Variants in RASEF observed in about 807,000 individuals in gnomAD.
RASEF encodes the protein RAS and EF-hand domain containing, also known as ras and EF-hand domain-containing protein.
Under a neutral mutation model 90.1 loss-of-function variants are expected in RASEF, and 68 were observed. The ratio of observed to expected loss-of-function variants is 0.75; its 90% CI spans 0.62 to 0.92. The LOEUF (loss-of-function observed/expected upper bound fraction) is 0.92, where lower values mean the gene tolerates loss of function less well. Ranked by LOEUF, RASEF falls within the 40% of genes least tolerant of loss-of-function variation. The pLI, the probability that RASEF is intolerant of heterozygous loss-of-function variation, is 0.00. For synonymous variants in RASEF, 331 were observed against 345.2 expected (o/e 0.96, Z 0.46); for missense variants, 949 against 937.2 (o/e 1.01, Z -0.16).
the RASEF span, among the ~76,000 whole-genome samples, chr9:83,154,578 T>G: frequency 2.4e-4 from 37 of 152,336 alleles, no homozygotes; most frequent in African/African-American, 7.7e-4. Flanking sequence ...GTGCACCTGA[T>G]GGCCTTTGAA....
At chr9:83,096,282 G>C in the RASEF span, among the ~76,000 whole-genome samples, 3 of 152,078 alleles carry the variant, frequency 2.0e-5, no homozygotes, top group Admixed American at 1.3e-4. Context: ...TAAATATCTA[G>C]AGAAGTTTAG....
chr9:83,117,599 C>G, the RASEF span, among the ~76,000 whole-genome samples: 2 of 152,176 alleles, frequency 1.3e-5, no homozygotes, highest in African/African-American at 4.8e-5. Flanking sequence ...GCCTGATAAG[C>G]CTTCAGGTTA....
the RASEF span, among the ~76,000 whole-genome samples, chr9:83,093,710 G>A: frequency 6.6e-6 from 1 of 152,186 alleles, no homozygotes; most frequent in Non-Finnish European, 1.5e-5. Context: ...CCTGCAAGCT[G>A]AGGGATCTGG....
chr9:83,147,710 G>A, the RASEF span, among the ~76,000 whole-genome samples: 2 of 152,106 alleles, frequency 1.3e-5, no homozygotes, highest in African/African-American at 4.8e-5. Context: ...TTGGTACCCA[G>A]GTCCTTGTCT....
At chr9:83,126,946 C>A in the RASEF span, among the ~76,000 whole-genome samples, 609 of 152,252 alleles carry the variant, frequency 4.0e-3, 1 homozygote, top group Middle Eastern at 0.014. Flanking sequence ...AGTTTTAGAT[C>A]TTTTTATGCT....
At chr9:83,028,249 G>A (rs1829582438) in intron 1 of RASEF, among the ~76,000 whole-genome samples, 1 of 152,196 alleles carries the variant, frequency 6.6e-6, no homozygotes, top group Non-Finnish European at 1.5e-5. Context: ...TAATTCTTAT[G>A]TTTGGTGATC....
chr9:83,170,812 G>T, the RASEF span, among the ~76,000 whole-genome samples: 2 of 151,620 alleles, frequency 1.3e-5, no homozygotes, highest in South Asian at 2.1e-4. Context: ...ATTCTAACAG[G>T]TTTTTTTGGT....
the RASEF span, among the ~76,000 whole-genome samples, chr9:83,203,530 C>T: frequency 2.6e-5 from 4 of 152,300 alleles, no homozygotes; most frequent in African/African-American, 9.6e-5. Context: ...TCAATTTCAG[C>T]CACCCAAAGT....
chr9:83,138,226 G>A, the RASEF span, among the ~76,000 whole-genome samples: 2 of 151,982 alleles, frequency 1.3e-5, no homozygotes, highest in South Asian at 4.1e-4. Context: ...CACTGTTACT[G>A]AAAATACCAC....
At chr9:82,983,871 T>C (rs1034949207) in intron 16 of RASEF, among the ~76,000 whole-genome samples, 15 of 152,304 alleles carry the variant, frequency 9.8e-5, no homozygotes, top group Admixed American at 9.8e-4. Flanking sequence ...AGCACCCTGG[T>C]GGCTGACATC....
At chr9:83,040,116 C>T (rs1481405698) in intron 1 of RASEF, among the ~76,000 whole-genome samples, 2 of 152,172 alleles carry the variant, frequency 1.3e-5, no homozygotes, top group African/African-American at 2.4e-5. Flanking sequence ...CTTTGCTCCT[C>T]CCTCGCCTCC....
chr9:83,081,148 G>C, the RASEF span, among the ~76,000 whole-genome samples: 1 of 152,114 alleles, frequency 6.6e-6, no homozygotes, highest in Non-Finnish European at 1.5e-5. Flanking sequence ...AGAGAGGCTT[G>C]ATTAACCTAT....
At chr9:83,213,527 C>G in the RASEF span, among the ~76,000 whole-genome samples, 33 of 152,120 alleles carry the variant, frequency 2.2e-4, no homozygotes, top group African/African-American at 7.2e-4. Context: ...CAATATCTGT[C>G]TCATTTAAAA....
the RASEF span, among the ~76,000 whole-genome samples, chr9:83,131,235 C>T: frequency 1.3e-5 from 2 of 152,014 alleles, no homozygotes; most frequent in Non-Finnish European, 2.9e-5. Context: ...AGAAAAGTTA[C>T]AGGAAACAAA....
the RASEF span, among the ~76,000 whole-genome samples, chr9:83,207,903 G>T: frequency 6.6e-6 from 1 of 152,186 alleles, no homozygotes; most frequent in South Asian, 2.1e-4. Context: ...ACCGCGCCTG[G>T]CCAAGGGCTG....
chr9:83,062,840 G>C lies in RASEF; in HGVS notation c.28C>G (p.Leu10Val). The change falls in exon 1 of 17, where the codon CTG becomes GTG. Residue 10 changes from leucine to valine, a missense_variant. Around this residue, in one of 3 missense-constraint regions of RASEF, gnomAD observed 656 missense variants for 592.2 expected, o/e 1.11. Transcript: ENST00000376447. Reference protein sequence around the residue: MEADGDGEELARLRSVFAAC... With the variant: MEADGDGEEVARLRSVFAAC... ...GCGAAGACTGAGCGCAGCCGGGCCA[G>C]CTCCTCTCCGTCCCCATCCGCCTCC... 1 of 1,542,258 alleles carries C rather than the reference G, an allele frequency of 6.5e-7. No homozygotes were observed. The highest frequency in any genetic ancestry group is 8.7e-7 in the Non-Finnish European group (1 of 1,155,200).
chr9:83,018,241 C>G (rs1381445892), intron 3 of RASEF, among the ~76,000 whole-genome samples: 1 of 151,988 alleles, frequency 6.6e-6, no homozygotes, highest in Non-Finnish European at 1.5e-5. Flanking sequence ...AATCTACCAA[C>G]AAAAAGGCAC....
chr9:83,062,462 C>G lies in RASEF; in HGVS notation c.406G>C (p.Gly136Arg). Reference sequence around the variant, plus strand: ...CTGGGAATGAACTTGGCTTCGTCCCCAAGTCGCGCCTGGAAATCCTGCCAA... The same window carrying G: ...CTGGGAATGAACTTGGCTTCGTCCCGAAGTCGCGCCTGGAAATCCTGCCAA... ...RAWQDFQARL[G>R]DEAKFIPREE... The change falls in exon 1 of 17, where the codon GGG becomes CGG. Residue 136 changes from glycine (G) to arginine (R), a missense_variant. Physicochemically the swap from Gly to Arg is moderately radical, Grantham distance 125. Transcript: ENST00000376447. 1 of 1,612,996 alleles carries G rather than the reference C, an allele frequency of 6.2e-7. No individual in the cohort carries two copies. The highest frequency in any genetic ancestry group is 8.5e-7 in the Non-Finnish European group (1 of 1,179,696).
Position 83,000,195 on chromosome 9 carries a change from AATTC to A in RASEF, c.1693_1696del (p.Glu565PhefsTer5). ...CAGGGTGGCGCTTATATTTTCTCGA[AATTC>A]ATTCTTGCAAAGTCTCATGAGGAAA... is the stretch of plus-strand genomic sequence containing the variant. On this transcript the variant is annotated frameshift_variant, in exon 12 of 17. Coordinates refer to ENST00000376447, the MANE Select transcript of RASEF (RefSeq NM_152573.4). LOFTEE classifies it high-confidence loss of function. The A allele has an allele frequency of 6.2e-7, 1 of 1,613,934 alleles. No homozygotes were observed. The highest frequency in any genetic ancestry group is 8.5e-7 in the Non-Finnish European group (1 of 1,179,968).
Sources: gnomAD v4.1 joint callset for allele counts (sites outside exome capture counted in the v4.1 genomes callset) on GRCh38, gnomAD v4.1.1 for gene constraint, gnomAD v4.1.1 regional missense constraint, MANE v1.5 for transcripts, NCBI Gene and HGNC (gene_info 2026-07-23, HGNC 2026-07-21) for gene names.